Variants in THRAP3 observed in about 807,000 individuals in gnomAD.
The protein encoded by THRAP3 is thyroid hormone receptor-associated protein 3.
In THRAP3, 16 loss-of-function variants were observed where a neutral mutation model predicts 101.0. The observed-to-expected ratio is 0.16, with a 90% confidence interval of 0.11 to 0.24. The LOEUF (loss-of-function observed/expected upper bound fraction) is 0.24, where lower values mean the gene tolerates loss of function less well. Among genes scored for constraint, THRAP3 ranks in the 10% least tolerant of loss-of-function variants. The probability of loss-of-function intolerance (pLI) is 1.00; values close to 1 mark genes in which losing one functional copy is unlikely to be tolerated. For missense variants in THRAP3, 989 were observed against 1,202.7 expected, an observed-to-expected ratio of 0.82 and a Z score of 2.63; for synonymous variants, 407 against 422.6, an observed-to-expected ratio of 0.96 and a Z score of 0.45.
At chr1:36,228,864 G>A (rs1488480590) in intron 1 of THRAP3, among the ~76,000 whole-genome samples, 1 of 152,118 alleles carries the variant, frequency 6.6e-6, no homozygotes, top group Non-Finnish European at 1.5e-5. Flanking sequence ...GCTGGGCATG[G>A]TGGCTCATGC....
In THRAP3 at chr1:36,296,687, A is replaced by G. The variant is rs1645956034; in HGVS notation, c.2220A>G (p.Ser740=). The G allele has an allele frequency of 6.2e-7, 1 of 1,611,328 alleles. No homozygotes were observed. The highest frequency in any genetic ancestry group is 2.2e-5 in the East Asian group (1 of 44,802). The change falls in exon 9 of 12, where the codon TCA becomes TCG. Residue 740 remains serine, a synonymous_variant. Coordinates refer to ENST00000354618, the MANE Select transcript of THRAP3 (RefSeq NM_005119.4). ...RDLKRGKSRE[S]VDSRDSSHSR... ...TTAAACGAGGTAAATCGAGAGAATC[A>G]GTGGATTCCCGAGACTCCAGTCACT...
intron 1 of THRAP3, among the ~76,000 whole-genome samples, chr1:36,249,823 T>C (rs952057480): frequency 5.3e-5 from 8 of 151,776 alleles, no homozygotes; most frequent in African/African-American, 1.9e-4. Flanking sequence ...ATTCTAAAAA[T>C]GTAGTTTGAT....
At chr1:36,303,670 A>G (rs1403106844) in intron 11 of THRAP3, 126 bp from the exon 12 acceptor site, 4 of 1,426,918 alleles carry the variant, frequency 2.8e-6, no homozygotes, top group Non-Finnish European at 2.8e-6. Flanking sequence ...AGTGCAGAAA[A>G]GGATCAAAAG....
intron 2 of THRAP3, among the ~76,000 whole-genome samples, chr1:36,264,503 T>G (rs889644133): frequency 2.6e-5 from 4 of 152,236 alleles, no homozygotes; most frequent in African/African-American, 9.6e-5. Flanking sequence ...ACAAAGTGAC[T>G]TGTCCATTTA....
chr1:36,223,089 T>A (rs1470140596), upstream of THRAP3, among the ~76,000 whole-genome samples: 1 of 152,068 alleles, frequency 6.6e-6, no homozygotes, highest in Non-Finnish European at 1.5e-5. Flanking sequence ...ATCGCACCAC[T>A]GCCCTCCAGC....
rs1206035883 is a variant in THRAP3, at chr1:36,282,582, T to A, written c.19T>A (p.Ser7Thr). Residue 7 changes from serine (S) to threonine (T), a missense_variant, in exon 3 of 12, where the codon TCC becomes ACC. Physicochemically the swap from Ser to Thr is moderately conservative, Grantham distance 58 (BLOSUM62 1). Coordinates refer to ENST00000354618, the MANE Select transcript of THRAP3 (RefSeq NM_005119.4). ...TTCAGAGATGTCAAAAACAAACAAA[T>A]CCAAGTCTGGATCTCGCTCTTCTCG... MSKTNKSKSGSRSSRSR... is the reference protein window; with the variant it reads MSKTNKTKSGSRSSRSR... 1 of 1,614,078 alleles carries A rather than the reference T, an allele frequency of 6.2e-7. No individual in the cohort carries two copies. The highest frequency in any genetic ancestry group is 1.1e-5 in the South Asian group (1 of 91,078).
intron 10 of THRAP3, 35 bp downstream of exon 10, chr1:36,301,119 C>G (rs1218418502): frequency 1.3e-6 from 2 of 1,596,964 alleles, no homozygotes; most frequent in African/African-American, 2.7e-5. Context: ...TCTCTGAGAC[C>G]CTTGCTCCTA....
chr1:36,234,365 T>TC (rs952796304), intron 1 of THRAP3, among the ~76,000 whole-genome samples: 1 of 152,008 alleles, frequency 6.6e-6, no homozygotes, highest in African/African-American at 2.4e-5. Context: ...CTTCATTTCT[T>TC]CCCCCCTGCT....
chr1:36,231,182 C>T (rs1645023830), intron 1 of THRAP3, among the ~76,000 whole-genome samples: 1 of 151,682 alleles, frequency 6.6e-6, no homozygotes, highest in African/African-American at 2.4e-5. Flanking sequence ...ACCTTATATC[C>T]TTCGTTTGTT....
At chr1:36,246,570 C>T (rs892898893) in intron 1 of THRAP3, among the ~76,000 whole-genome samples, 4 of 150,012 alleles carry the variant, frequency 2.7e-5, no homozygotes, top group African/African-American at 7.3e-5. Flanking sequence ...GGGCCGAGTG[C>T]GGTGGCTCAC....
intron 1 of THRAP3, among the ~76,000 whole-genome samples, chr1:36,256,188 G>GATTATTATTATTATTATT (rs141623060): frequency 2.9e-5 from 4 of 135,996 alleles, no homozygotes; most frequent in African/African-American, 1.1e-4. Flanking sequence ...GGCCTGCCTG[G>GATTATTATTATTATTATT]ATTATTATTA....
At chr1:36,299,044 T>C (rs1000960822) in intron 9 of THRAP3, among the ~76,000 whole-genome samples, 1 of 152,078 alleles carries the variant, frequency 6.6e-6, no homozygotes, top group African/African-American at 2.4e-5. Flanking sequence ...TCTGCCTGCC[T>C]TGGCCCTCTG....
In THRAP3 at chr1:36,291,520, T is replaced by C. The variant is rs1645868086; in HGVS notation, c.1892T>C (p.Ile631Thr). 6.2e-7 allele frequency: 1 copy of C among 1,614,076 alleles called. No homozygotes were observed. Among genetic ancestry groups the C allele is most frequent in the Non-Finnish European group, 8.5e-7 (1 of 1,180,042 alleles). The change falls in exon 6 of 12, where the codon ATA becomes ACA. Residue 631 changes from isoleucine to threonine, a missense_variant. Transcript: ENST00000354618. ...CCCTCAGAACTGTTTGCCCAACATATAGTGACCATTGTTCACCATGTTAAA... is the reference window on the plus strand; with the variant it reads ...CCCTCAGAACTGTTTGCCCAACATACAGTGACCATTGTTCACCATGTTAAA... Reference protein sequence around the residue: ...RSPSELFAQHIVTIVHHVKEH... With the variant: ...RSPSELFAQHTVTIVHHVKEH...
At chr1:36,281,126 T>G (rs1376017880) in intron 2 of THRAP3, among the ~76,000 whole-genome samples, 2 of 152,082 alleles carry the variant, frequency 1.3e-5, no homozygotes, top group African/African-American at 4.8e-5. Flanking sequence ...ACGCTGGTCT[T>G]GAACTCCTGA....
intron 1 of THRAP3, among the ~76,000 whole-genome samples, chr1:36,249,150 C>T (rs1199325708): frequency 6.7e-6 from 1 of 150,138 alleles, no homozygotes; most frequent in Non-Finnish European, 1.5e-5. Context: ...TCCCAAAGTG[C>T]TGGGATACAG....
chr1:36,237,511 C>T (rs552048112), intron 1 of THRAP3, among the ~76,000 whole-genome samples: 53 of 151,166 alleles, frequency 3.5e-4, no homozygotes, highest in African/African-American at 1.2e-3. Flanking sequence ...TGGCTCATGC[C>T]TGTAATCCCA....
At chr1:36,244,198 C>T (rs1012573398) in intron 1 of THRAP3, among the ~76,000 whole-genome samples, 6 of 152,198 alleles carry the variant, frequency 3.9e-5, no homozygotes, top group Non-Finnish European at 8.8e-5. Flanking sequence ...TGCAAAGCAG[C>T]TACTAATTTA....
At position 36,275,469 on chromosome 1, in the gene THRAP3, C is replaced by T. The variant is rs188677332; in HGVS notation, c.-31-7064C>T. 2.5e-3 allele frequency among the ~76,000 whole-genome samples: 382 copies of T among 150,592 alleles called. 1 individual carries two copies. Among genetic ancestry groups the T allele is most frequent in the African/African-American group, 9.0e-3 (370 of 40,984 alleles). On this transcript the variant is annotated intron_variant, in intron 2 of 11. Transcript: ENST00000354618. ...AGGCGTGGTGGTGGGCACCTGTAGT[C>T]CCAGCTACTTGGGAGGCTGAGGCAG...
At chr1:36,212,915 T>C in the THRAP3 span, among the ~76,000 whole-genome samples, 2 of 152,164 alleles carry the variant, frequency 1.3e-5, no homozygotes, top group African/African-American at 4.8e-5. Flanking sequence ...AAGCAGATTC[T>C]GAACTGATGA....
Sources: gnomAD v4.1 joint callset for allele counts (sites outside exome capture counted in the v4.1 genomes callset) on GRCh38, gnomAD v4.1.1 for gene constraint, MANE v1.5 for transcripts, NCBI Gene and HGNC (gene_info 2026-07-23, HGNC 2026-07-21) for gene names.